Variants in SEMA3E observed in about 807,000 individuals in gnomAD.
SEMA3E encodes semaphorin 3E, also known as semaphorin-3E.
In SEMA3E, 49 loss-of-function variants were observed where a neutral mutation model predicts 93.6. That is an observed-to-expected ratio of 0.52 (90% confidence interval 0.42 to 0.66). The LOEUF is 0.66. Ranked by LOEUF, SEMA3E falls within the 30% of genes least tolerant of loss-of-function variation. The probability of loss-of-function intolerance (pLI) is 0.00; values close to 1 mark genes in which losing one functional copy is unlikely to be tolerated. For missense variants in SEMA3E, 906 were observed against 964.8 expected (o/e 0.94, Z 0.81); for synonymous variants, 363 against 330.7 (o/e 1.10, Z -1.06).
Position 83,639,128 on chromosome 7 carries a change from A to AAAAAC in SEMA3E, c.115+9299_115+9300insGTTTT, listed in dbSNP as rs1562866019. Reference sequence around the variant, plus strand: ...TCCGTCTCAAAAAAAAAAAAAAAAAAAAAAAAAAAAAACAGAGATTCCTGA... The same window carrying AAAAAC: ...TCCGTCTCAAAAAAAAAAAAAAAAAAAAAACAAAAAAAAAAAACAGAGATTCCTGA... On this transcript the variant is annotated intron_variant, in intron 1 of 16. Transcript: ENST00000643230. Among the ~76,000 whole-genome samples, 102 of 141,434 alleles carry AAAAAC rather than the reference A, an allele frequency of 7.2e-4. 3 individuals carry two copies. Among genetic ancestry groups the AAAAAC allele is most frequent in the African/African-American group, 2.7e-3 (102 of 38,376 alleles). The allele number at this position is 141,434 out of a possible 152,430, so 92.8% of individuals were successfully genotyped here.
At chr7:83,428,313 A>G (rs1033695791) in intron 4 of SEMA3E, among the ~76,000 whole-genome samples, 7 of 152,240 alleles carry the variant, frequency 4.6e-5, no homozygotes, top group Admixed American at 4.6e-4. Flanking sequence ...GAAATATGCT[A>G]GAAGTCAACT....
chr7:83,648,299 A>C (rs573874561), intron 1 of SEMA3E, 129 bp downstream of exon 1: 5 of 685,718 alleles, frequency 7.3e-6, no homozygotes, highest in African/African-American at 1.8e-5. Context: ...TTTTGCAATA[A>C]ATTTTTCAGG....
At chr7:83,515,197 C>G (rs1447585770) in intron 1 of SEMA3E, among the ~76,000 whole-genome samples, 1 of 151,850 alleles carries the variant, frequency 6.6e-6, no homozygotes, top group Admixed American at 6.6e-5. Context: ...CTTCTCACTG[C>G]TCCAGGCACT....
chr7:83,617,167 C>G (rs866229498), intron 1 of SEMA3E, among the ~76,000 whole-genome samples: 17 of 151,518 alleles, frequency 1.1e-4, no homozygotes, highest in African/African-American at 4.1e-4. Context: ...GTTTTGTAGC[C>G]CACAAATTTC....
chr7:83,394,376 G>A (rs1788079412), intron 12 of SEMA3E, 38 bp from the exon 13 acceptor site: 2 of 1,538,576 alleles, frequency 1.3e-6, no homozygotes, highest in Non-Finnish European at 9.0e-7. Flanking sequence ...TAAGAAAACA[G>A]TATAAAAACA....
At chr7:83,594,449 A>C (rs1792825062) in intron 1 of SEMA3E, among the ~76,000 whole-genome samples, 2 of 152,144 alleles carry the variant, frequency 1.3e-5, no homozygotes, top group Admixed American at 1.3e-4. Flanking sequence ...AAAGGATCAG[A>C]CTAATCAGTG....
intron 1 of SEMA3E, among the ~76,000 whole-genome samples, chr7:83,555,890 A>T (rs958574626): frequency 5.9e-5 from 9 of 152,146 alleles, no homozygotes; most frequent in African/African-American, 1.9e-4. Flanking sequence ...CTTACTAAGG[A>T]ATTTCCACAC....
intron 1 of SEMA3E, among the ~76,000 whole-genome samples, chr7:83,587,842 C>T (rs952264370): frequency 6.6e-6 from 1 of 151,592 alleles, no homozygotes; most frequent in Admixed American, 6.6e-5. Context: ...ATTTTTTCAA[C>T]CCAATAAAGT....
At chr7:83,619,916 TAGATAGAC>T (rs776829642) in intron 1 of SEMA3E, among the ~76,000 whole-genome samples, 7,340 of 145,068 alleles carry the variant, frequency 0.051, 437 homozygotes, top group African/African-American at 0.15. Context: ...GATAGATAGA[TAGATAGAC>T]AGATAGATAG....
chr7:83,475,284 T>A (rs746030989), intron 2 of SEMA3E, among the ~76,000 whole-genome samples: 6 of 152,162 alleles, frequency 3.9e-5, no homozygotes, highest in Non-Finnish European at 5.9e-5. Context: ...TTCAAAATGA[T>A]CATTTCCAGT....
intron 4 of SEMA3E, among the ~76,000 whole-genome samples, chr7:83,450,065 G>A (rs530790720): frequency 2.6e-5 from 4 of 152,108 alleles, no homozygotes; most frequent in Non-Finnish European, 5.9e-5. Flanking sequence ...CAGAAAGATT[G>A]GAAATTAAGA....
intron 16 of SEMA3E, among the ~76,000 whole-genome samples, chr7:83,381,322 T>A (rs898197430): frequency 1.3e-5 from 2 of 152,038 alleles, no homozygotes; most frequent in Admixed American, 1.3e-4. Flanking sequence ...TTCACTCAGC[T>A]GTTCTTTGAG....
intron 1 of SEMA3E, among the ~76,000 whole-genome samples, chr7:83,614,847 C>A (rs1793331392): frequency 6.6e-6 from 1 of 152,096 alleles, no homozygotes; most frequent in Non-Finnish European, 1.5e-5. Context: ...GTCAAGCTAA[C>A]TTCCAAAGGA....
chr7:83,378,513 T>C (rs1163605204), intron 16 of SEMA3E, among the ~76,000 whole-genome samples: 2 of 151,880 alleles, frequency 1.3e-5, no homozygotes, highest in African/African-American at 4.8e-5. Flanking sequence ...TCGAATATTT[T>C]GGTAGAGTAC....
rs374770728 is a variant in SEMA3E, at chr7:83,472,579, C to T, written c.277-3277G>A. On this transcript the variant is annotated intron_variant, in intron 2 of 16. Coordinates refer to ENST00000643230, the MANE Select transcript of SEMA3E (RefSeq NM_012431.3). Reference sequence around the variant, plus strand: ...GTCCACCTCCTTTCTTAAGTTCCCTCGGAATTTCAAGGGAGCACCATCTGA... The same window carrying T: ...GTCCACCTCCTTTCTTAAGTTCCCTTGGAATTTCAAGGGAGCACCATCTGA... Among the ~76,000 whole-genome samples the T allele has an allele frequency of 9.9e-5, 15 of 152,246 alleles. No homozygotes were observed. The East Asian group carries it at 2.5e-3, about 26-fold the overall frequency.
At position 83,407,156 on chromosome 7, in the gene SEMA3E, C is replaced by A. The variant is rs779163443; in HGVS notation, c.754G>T (p.Ala252Ser). 29 of 1,613,440 alleles carry A rather than the reference C, an allele frequency of 1.8e-5. No homozygotes were observed. In the South Asian group the frequency reaches 3.1e-4, roughly 17 times the overall value. Residue 252 changes from alanine (A) to serine (S), a missense_variant, in exon 7 of 17, where the codon GCA becomes TCA. Physicochemically the swap from Ala to Ser is moderately conservative, Grantham distance 99 (BLOSUM62 1). Transcript: ENST00000643230. ...NKVYFFFTEK[A>S]LEAENNAHAI... Reference sequence around the variant, plus strand: ...TGAGCATTGTTTTCTGCCTCCAGTGCCTTCTCAGTAAAAAAGAAATATACT... The same window carrying A: ...TGAGCATTGTTTTCTGCCTCCAGTGACTTCTCAGTAAAAAAGAAATATACT...
At chr7:83,456,067 TG>T (rs2115837815) in intron 4 of SEMA3E, among the ~76,000 whole-genome samples, 1 of 152,270 alleles carries the variant, frequency 6.6e-6, no homozygotes, top group African/African-American at 2.4e-5. Flanking sequence ...TTTGGTAATT[TG>T]TTTGCAAGAA....
chr7:83,574,785 G>T (rs1792365953), intron 1 of SEMA3E, among the ~76,000 whole-genome samples: 1 of 152,088 alleles, frequency 6.6e-6, no homozygotes, highest in South Asian at 2.1e-4. Flanking sequence ...TCTGCCAACA[G>T]CTAGACACAT....
intron 1 of SEMA3E, among the ~76,000 whole-genome samples, chr7:83,598,282 A>G (rs1334980714): frequency 6.6e-6 from 1 of 152,120 alleles, no homozygotes; most frequent in Non-Finnish European, 1.5e-5. Context: ...GCATTATTCT[A>G]GTATTTCTCT....
Sources: allele counts gnomAD v4.1 joint callset (sites outside exome capture counted in the v4.1 genomes callset), GRCh38; gene constraint gnomAD v4.1.1; transcripts MANE v1.5; gene names NCBI Gene and HGNC (gene_info 2026-07-23, HGNC 2026-07-21).